The following OTOGL variants were observed in gnomAD, a reference collection of about 807,000 sequenced individuals.
OTOGL encodes otogelin-like protein.
A neutral mutation model predicts 318.5 loss-of-function variants in OTOGL; 285 were observed. The ratio of observed to expected loss-of-function variants is 0.89; its 90% confidence interval spans 0.81 to 0.99. OTOGL has a LOEUF of 0.99. OTOGL is among the 50% of genes least tolerant of loss of function. OTOGL has a pLI of 0.00. For missense variants in OTOGL, 2,899 were observed against 2,845.6 expected (o/e 1.02, Z -0.43); for synonymous variants, 987 against 936.5 (o/e 1.05, Z -0.99).
chr12:80,355,613 C>A, intron 46 of OTOGL, 123 bp from the exon 47 acceptor site: 2 of 702,390 alleles, frequency 2.8e-6, no homozygotes, highest in South Asian at 2.4e-5. Context: ...CTGAGAAAAA[C>A]AATAGACTTG....
chr12:80,193,604 A>G (rs1306282412), intron 1 of OTOGL, among the ~76,000 whole-genome samples: 1 of 152,192 alleles, frequency 6.6e-6, no homozygotes, highest in East Asian at 1.9e-4. Flanking sequence ...TATTTCAGAC[A>G]ATGTAACTTA....
intron 1 of OTOGL, among the ~76,000 whole-genome samples, chr12:80,129,904 T>G (rs1302364590): frequency 2.6e-5 from 4 of 152,206 alleles, no homozygotes; most frequent in African/African-American, 4.8e-5. Flanking sequence ...TAAAACTGAT[T>G]CTTACAACCA....
At chr12:80,201,405 G>A (rs985754148) in intron 1 of OTOGL, among the ~76,000 whole-genome samples, 2 of 152,070 alleles carry the variant, frequency 1.3e-5, no homozygotes, top group African/African-American at 2.4e-5. Flanking sequence ...AGCGAGAGAG[G>A]GAGCAAGAGA....
intron 28 of OTOGL, among the ~76,000 whole-genome samples, chr12:80,305,211 C>T (rs1446504037): frequency 6.6e-6 from 1 of 152,014 alleles, no homozygotes; most frequent in African/African-American, 2.4e-5. Context: ...TATATATATA[C>T]ACATGAATTC....
At chr12:80,203,667 C>A (rs185245173) in intron 1 of OTOGL, among the ~76,000 whole-genome samples, 3 of 152,238 alleles carry the variant, frequency 2.0e-5, no homozygotes, top group Admixed American at 6.5e-5. Context: ...TGCTCAGTAG[C>A]GGGTAGTGAG....
At chr12:80,291,916 T>C (rs2137684251) in intron 26 of OTOGL, among the ~76,000 whole-genome samples, 1 of 152,360 alleles carries the variant, frequency 6.6e-6, no homozygotes, top group Middle Eastern at 3.4e-3. Flanking sequence ...ACTCAATTTG[T>C]TGTAAGCTAT....
chr12:80,339,020 C>A, intron 42 of OTOGL, 55 bp from the exon 43 acceptor site: 2 of 1,349,912 alleles, frequency 1.5e-6, no homozygotes, highest in South Asian at 1.3e-5. Flanking sequence ...CTGTATTCTC[C>A]TAATTTGTAT....
At chr12:80,308,817 A>T (rs1217071473) in intron 29 of OTOGL, among the ~76,000 whole-genome samples, 2 of 152,084 alleles carry the variant, frequency 1.3e-5, no homozygotes, top group African/African-American at 4.8e-5. Context: ...AAATACAAAA[A>T]CCAGTCAGGT....
At position 80,345,528 on chromosome 12, in the gene OTOGL, C is replaced by T. The variant is rs185447384; in HGVS notation, c.5265+3366C>T. 1.2e-4 allele frequency among the ~76,000 whole-genome samples: 19 copies of T among 152,106 alleles called. No individual in the cohort carries two copies. In the East Asian group the frequency reaches 3.5e-3, roughly 28 times the overall value. On this transcript the variant is annotated intron_variant, in intron 44 of 58. Transcript: ENST00000547103. ...TTGGGATTACAGGTGTGAGCCATCA[C>T]ACCTGACCATGGCTATAATATTTTT... is the stretch of plus-strand genomic sequence containing the variant.
At position 80,368,924 on chromosome 12, in the gene OTOGL, GA is replaced by G. The variant is rs1890718177; in HGVS notation, c.6615+617del. The stretch of plus-strand genomic sequence containing the variant: ...ATAAATATAATCTATTACAGAGATA[GA>G]ATTCTTTGGAATAGACAATTGACAT... On this transcript the variant is annotated intron_variant, in intron 55 of 58. Coordinates refer to ENST00000547103, the MANE Select transcript of OTOGL (RefSeq NM_001378609.3). 2.7e-5 allele frequency among the ~76,000 whole-genome samples: 4 copies of G among 150,728 alleles called. No homozygotes were observed. In the South Asian group the frequency reaches 8.4e-4, roughly 32 times the overall value.
At chr12:80,257,409 G>A (rs1335087620) in intron 17 of OTOGL, among the ~76,000 whole-genome samples, 1 of 151,724 alleles carries the variant, frequency 6.6e-6, no homozygotes, top group Non-Finnish European at 1.5e-5. Flanking sequence ...ATAAAAGTAG[G>A]GCATGTGAGG....
chr12:80,360,427 C>T, intron 52 of OTOGL, among the ~76,000 whole-genome samples: 1 of 103,484 alleles, frequency 9.7e-6, no homozygotes, highest in African/African-American at 3.8e-5. Context: ...CCTTTTCTCC[C>T]CCTCTCTCCC....
chr12:80,136,076 A>G (rs1218076256), intron 1 of OTOGL, among the ~76,000 whole-genome samples: 1 of 152,032 alleles, frequency 6.6e-6, no homozygotes, highest in South Asian at 2.1e-4. Context: ...TCTTTTTCCT[A>G]TTGGTTTTGT....
chr12:80,252,448 C>T (rs1161750674), intron 13 of OTOGL, among the ~76,000 whole-genome samples: 1 of 152,098 alleles, frequency 6.6e-6, no homozygotes. Context: ...CATGAGAAAT[C>T]TTTTGTTCGA....
At chr12:80,189,414 C>T (rs1280447145) in intron 1 of OTOGL, 2 of 985,106 alleles carry the variant, frequency 2.0e-6, no homozygotes, top group Admixed American at 6.2e-5. Context: ...CCAAACAAGA[C>T]CCAAGCAGCT....
intron 24 of OTOGL, 31 bp from the exon 25 acceptor site, chr12:80,278,137 A>G: frequency 1.4e-6 from 2 of 1,475,244 alleles, no homozygotes; most frequent in Non-Finnish European, 1.9e-6. Flanking sequence ...TGTAGTTCAT[A>G]CTAAATAGCA....
Position 80,229,977 on chromosome 12 carries a change from C to T in OTOGL, c.611+599C>T, listed in dbSNP as rs558596291. 9.3e-5 allele frequency among the ~76,000 whole-genome samples: 14 copies of T among 150,036 alleles called. No homozygotes were observed. The South Asian group carries it at 1.1e-3, about 11-fold the overall frequency. The stretch of plus-strand genomic sequence containing the variant: ...AGAATTTTGGGGCAGGGGATGTTTT[C>T]GTATTTGGTGGAAGGTTTTTTTTTT... On this transcript the variant is annotated intron_variant, in intron 8 of 58. Coordinates refer to ENST00000547103, the MANE Select transcript of OTOGL (RefSeq NM_001378609.3).
intron 57 of OTOGL, among the ~76,000 whole-genome samples, chr12:80,374,580 T>A (rs768252664): frequency 3.3e-5 from 5 of 152,156 alleles, no homozygotes; most frequent in Non-Finnish European, 7.3e-5. Context: ...AATCAAATAG[T>A]CATTGTATCA....
chr12:80,149,366 G>T (rs532973381), intron 1 of OTOGL, among the ~76,000 whole-genome samples: 1 of 152,154 alleles, frequency 6.6e-6, no homozygotes, highest in Non-Finnish European at 1.5e-5. Flanking sequence ...TAGGCTGCTC[G>T]GGGGTCGGGG....
Sources: gnomAD v4.1 joint callset for allele counts (sites outside exome capture counted in the v4.1 genomes callset) on GRCh38, gnomAD v4.1.1 for gene constraint, MANE v1.5 for transcripts, NCBI Gene and HGNC (gene_info 2026-07-23, HGNC 2026-07-21) for gene names.